Variants in PDCD11 observed in about 807,000 individuals in gnomAD.
PDCD11 encodes the protein protein RRP5 homolog.
In PDCD11, 97 loss-of-function variants were observed where a neutral mutation model predicts 198.9. The observed-to-expected ratio is 0.49, with a 90% confidence interval of 0.41 to 0.58. The LOEUF (loss-of-function observed/expected upper bound fraction) is 0.58. PDCD11 is among the 20% of genes least tolerant of loss of function. PDCD11 has a pLI of 0.00. For missense variants in PDCD11, 2,102 were observed against 2,312.7 expected (o/e 0.91, Z 1.87); for synonymous variants, 893 against 918.0 (o/e 0.97, Z 0.49).
At chr10:103,400,900 G>T (rs747866654) in intron 3 of PDCD11, among the ~76,000 whole-genome samples, 1 of 152,006 alleles carries the variant, frequency 6.6e-6, no homozygotes, top group African/African-American at 2.4e-5. Context: ...TACTAAAGGT[G>T]TGTGTCACCA....
chr10:103,431,435 A>G (rs186031333), intron 21 of PDCD11, among the ~76,000 whole-genome samples: 156 of 152,088 alleles, frequency 1.0e-3, no homozygotes, highest in African/African-American at 3.5e-3. Context: ...TACTAAAAAT[A>G]CAAAGAAATT....
At chr10:103,405,915 A>G (rs2030416323) in intron 5 of PDCD11, 70 bp from the exon 6 acceptor site, 1 of 1,546,900 alleles carries the variant, frequency 6.5e-7, no homozygotes. Flanking sequence ...GGAACATTCA[A>G]GTTTGGATGT....
chr10:103,423,490 T>A, intron 18 of PDCD11, 53 bp from the exon 19 acceptor site: 1 of 1,330,568 alleles, frequency 7.5e-7, no homozygotes, highest in Middle Eastern at 1.9e-4. Flanking sequence ...GAGGTGCTGC[T>A]CTCCCTTCAC....
intron 21 of PDCD11, among the ~76,000 whole-genome samples, chr10:103,429,831 C>T (rs1014994836): frequency 2.6e-5 from 4 of 152,114 alleles, no homozygotes; most frequent in Non-Finnish European, 5.9e-5. Flanking sequence ...ACCACCATTT[C>T]CCCTTCCGTC....
chr10:103,427,014 T>C (rs1420698801), intron 20 of PDCD11, among the ~76,000 whole-genome samples: 1 of 151,608 alleles, frequency 6.6e-6, no homozygotes, highest in Admixed American at 6.6e-5. Context: ...GAGGCTGAGC[T>C]GGGAGGATTG....
intron 9 of PDCD11, 90 bp from the exon 10 acceptor site, chr10:103,413,876 T>G: frequency 4.8e-6 from 6 of 1,242,044 alleles, no homozygotes; most frequent in Non-Finnish European, 5.5e-6. Flanking sequence ...TGGTACATGA[T>G]AAGTGTTGAG....
intron 22 of PDCD11, 54 bp from the exon 23 acceptor site, chr10:103,433,894 G>A (rs1342824996): frequency 3.4e-5 from 47 of 1,383,058 alleles, no homozygotes; most frequent in Non-Finnish European, 4.6e-5. Context: ...AGTTTTAATG[G>A]CGGGAAACCT....
At chr10:103,439,274 C>T (rs763281964) in intron 27 of PDCD11, among the ~76,000 whole-genome samples, 1 of 152,214 alleles carries the variant, frequency 6.6e-6, no homozygotes, top group East Asian at 1.9e-4. Context: ...CCCATAAGTT[C>T]GAGGTTACAT....
rs745529349 is a variant in PDCD11 at position 103,414,325 on chromosome 10, G to A, written c.1366G>A (p.Val456Ile). 2 of 1,612,078 alleles carry A rather than the reference G, an allele frequency of 1.2e-6. No individual in the cohort carries two copies. Among genetic ancestry groups the A allele is most frequent in the Non-Finnish European group, 1.7e-6 (2 of 1,178,176 alleles). The change falls in exon 11 of 36, where the codon GTA (valine) becomes ATA (isoleucine). Residue 456 changes from valine (V) to isoleucine (I), a missense_variant. Transcript: ENST00000369797. ...TCATGACATCGAACCTGGGGCAGTG[G>A]TAAAGGTAAGACCTCAAGCATATAA... ...RYHDIEPGAV[V>I]KGTVLTIKSY...
chr10:103,402,216 C>A (rs1282610816), intron 3 of PDCD11, among the ~76,000 whole-genome samples: 2 of 152,294 alleles, frequency 1.3e-5, no homozygotes, highest in East Asian at 3.9e-4. Context: ...TCTCCACTAG[C>A]TGGCTTCCTT....
At chr10:103,428,800 C>G (rs936369487) in intron 21 of PDCD11, among the ~76,000 whole-genome samples, 1 of 152,034 alleles carries the variant, frequency 6.6e-6, no homozygotes, top group African/African-American at 2.4e-5. Flanking sequence ...TTGGCTGTAG[C>G]AGAGTGGGCC....
At chr10:103,434,441 C>T (rs1295103371) in intron 24 of PDCD11, 91 bp downstream of exon 24, 2 of 830,480 alleles carry the variant, frequency 2.4e-6, no homozygotes, top group Non-Finnish European at 4.1e-6. Flanking sequence ...TGGAGGACCC[C>T]TTCGGTATTG....
At chr10:103,415,770 G>A (rs1431298306) in intron 12 of PDCD11, among the ~76,000 whole-genome samples, 1 of 152,228 alleles carries the variant, frequency 6.6e-6, no homozygotes, top group South Asian at 2.1e-4. Context: ...GAGAGCAAAG[G>A]TTGTGTTCTA....
intron 22 of PDCD11, 150 bp from the exon 23 acceptor site, chr10:103,433,798 T>TAGATCTCGG: frequency 3.2e-6 from 2 of 630,368 alleles, no homozygotes; most frequent in Non-Finnish European, 5.7e-6. Context: ...GAAGTGGAGG[T>TAGATCTCGG]TGGGCAAGGG....
At chr10:103,398,264 A>G (rs951215680) in intron 1 of PDCD11, among the ~76,000 whole-genome samples, 152 bp from the exon 2 acceptor site, 1 of 152,256 alleles carries the variant, frequency 6.6e-6, no homozygotes, top group African/African-American at 2.4e-5. Flanking sequence ...AGTATGGATT[A>G]TTCCGGGCCT....
At chr10:103,443,092 T>A in intron 32 of PDCD11, 73 bp from the exon 33 acceptor site, 2 of 1,370,670 alleles carry the variant, frequency 1.5e-6, no homozygotes, top group Non-Finnish European at 2.0e-6. Context: ...AGGTGGTTCC[T>A]GAGTCTGTCT....
intron 17 of PDCD11, 74 bp downstream of exon 17, chr10:103,421,641 T>C (rs1024593773): frequency 1.6e-6 from 2 of 1,247,104 alleles, no homozygotes; most frequent in Admixed American, 2.1e-5. Flanking sequence ...TGTTGTTAGG[T>C]GAGTTGTTGG....
intron 25 of PDCD11, among the ~76,000 whole-genome samples, chr10:103,436,708 T>C (rs1303136036): frequency 2.0e-5 from 3 of 152,240 alleles, no homozygotes; most frequent in East Asian, 3.8e-4. Context: ...ATGTGTTTTA[T>C]TGTGGCCAAA....
At chr10:103,432,318 A>G (rs1444305150) in intron 22 of PDCD11, 84 bp downstream of exon 22, 2 of 959,136 alleles carry the variant, frequency 2.1e-6, no homozygotes, top group African/African-American at 1.6e-5. Flanking sequence ...AGCCATTAGC[A>G]GAGAAAGGCA....
Sources: gnomAD v4.1 joint callset for allele counts (sites outside exome capture counted in the v4.1 genomes callset) on GRCh38, gnomAD v4.1.1 for gene constraint, MANE v1.5 for transcripts, NCBI Gene and HGNC (gene_info 2026-07-23, HGNC 2026-07-21) for gene names.